Variants in ZCCHC2 observed in about 807,000 individuals in gnomAD.
ZCCHC2 encodes the protein zinc finger CCHC-type containing 2.
In ZCCHC2, 39 loss-of-function variants were observed where a neutral mutation model predicts 103.6. The observed-to-expected ratio is 0.38, with a 90% confidence interval of 0.29 to 0.49. The LOEUF (loss-of-function observed/expected upper bound fraction) is 0.49, where lower values mean the gene tolerates loss of function less well. Among genes scored for constraint, ZCCHC2 ranks in the 20% least tolerant of loss-of-function variants. The pLI is 0.96. For missense variants in ZCCHC2, 1,483 were observed against 1,491.0 expected (o/e 0.99, Z 0.09); for synonymous variants, 687 against 608.9 (o/e 1.13, Z -1.89).
At chr18:62,551,872 C>T (rs1915678889) in intron 5 of ZCCHC2, 1 of 152,240 alleles carries the variant, frequency 6.6e-6, no homozygotes, top group African/African-American at 2.4e-5. Context: ...GACAGCCTAT[C>T]ATCTGCCTTC....
At chr18:62,560,527 C>T (rs1916070172) in intron 7 of ZCCHC2, 60 bp from the exon 8 acceptor site, 2 of 1,372,776 alleles carry the variant, frequency 1.5e-6, no homozygotes, top group Admixed American at 1.7e-5. Flanking sequence ...CTAGTAGCAT[C>T]CTACTGTTGG....
chr18:62,542,929 C>G (rs1341116163), intron 3 of ZCCHC2, among the ~76,000 whole-genome samples: 1 of 152,156 alleles, frequency 6.6e-6, no homozygotes, highest in Non-Finnish European at 1.5e-5. Context: ...TCTTTGTTCT[C>G]TGTGACGCTT....
chr18:62,532,028 A>T (rs116046406), intron 1 of ZCCHC2, among the ~76,000 whole-genome samples: 1 of 152,228 alleles, frequency 6.6e-6, no homozygotes, highest in African/African-American at 2.4e-5. Flanking sequence ...TTGAAGAGAT[A>T]GTAGGGTTGG....
downstream of ZCCHC2, among the ~76,000 whole-genome samples, chr18:62,579,481 C>T (rs533730260): frequency 2.0e-5 from 3 of 152,256 alleles, no homozygotes; most frequent in Admixed American, 6.5e-5. Context: ...TGTCAGGAGC[C>T]ATCTAATGAC....
chr18:62,560,653 C>A lies in ZCCHC2; in HGVS notation c.1550+9C>A. ...AAAAGTCCCATTGTGAAGTAAGTAT[C>A]CTCTTTCTAAAACAAAAAGTGCTTT... On this transcript the variant is annotated intron_variant, in intron 8 of 13. Coordinates refer to ENST00000269499, the MANE Select transcript of ZCCHC2 (RefSeq NM_017742.6). The A allele has an allele frequency of 6.2e-7, 1 of 1,609,546 alleles. No individual in the cohort carries two copies. Among genetic ancestry groups the A allele is most frequent in the South Asian group, 1.1e-5 (1 of 90,664 alleles).
chr18:62,556,064 T>C, intron 5 of ZCCHC2, 139 bp from the exon 6 acceptor site: 1 of 636,878 alleles, frequency 1.6e-6, no homozygotes, highest in Non-Finnish European at 2.7e-6. Context: ...CATTAGAAAA[T>C]AATATTCTTT....
intron 5 of ZCCHC2, among the ~76,000 whole-genome samples, chr18:62,554,875 A>G (rs1409096152): frequency 6.6e-6 from 1 of 152,194 alleles, no homozygotes; most frequent in African/African-American, 2.4e-5. Context: ...ACATTAGAAG[A>G]CCAAGAAGCA....
intron 1 of ZCCHC2, among the ~76,000 whole-genome samples, chr18:62,536,730 A>G (rs1171820723): frequency 1.3e-5 from 2 of 152,242 alleles, no homozygotes; most frequent in African/African-American, 4.8e-5. Flanking sequence ...ATACATGCTG[A>G]GACTTGGAGG....
In ZCCHC2 at chr18:62,575,159, C is replaced by T; in HGVS notation, c.3078C>T (p.Asn1026=). 1 of 1,614,048 alleles carries T rather than the reference C, an allele frequency of 6.2e-7. No individual in the cohort carries two copies. The highest frequency in any genetic ancestry group is 8.5e-7 in the Non-Finnish European group (1 of 1,179,898). Residue 1026 remains asparagine, a synonymous_variant, in exon 13 of 14, where the codon AAC becomes AAT. Coordinates refer to ENST00000269499, the MANE Select transcript of ZCCHC2 (RefSeq NM_017742.6). ...GRRCSCGTNG[N]LQLNSYYYPN... ...GGTGCAGCTGTGGGACCAATGGAAA[C>T]CTTCAGCTAAATAGTTACTATTATC...
chr18:62,531,599 T>C (rs948965205), intron 1 of ZCCHC2, among the ~76,000 whole-genome samples: 1 of 152,054 alleles, frequency 6.6e-6, no homozygotes, highest in African/African-American at 2.4e-5. Flanking sequence ...GAAGGAGATA[T>C]ATGTATTATT....
chr18:62,542,568 T>G lies in ZCCHC2; in HGVS notation c.1122T>G (p.Thr374=). The change falls in exon 3 of 14, where the codon ACT becomes ACG. Residue 374 remains threonine (T), a synonymous_variant. Transcript: ENST00000269499. ...RKRADKYWEY[T]FKVNWSDLSV... ...GAGCTGACAAATACTGGGAGTACACTTTCAAAGTAAGCCATTTTCCCCACA... is the reference window on the plus strand; with the variant it reads ...GAGCTGACAAATACTGGGAGTACACGTTCAAAGTAAGCCATTTTCCCCACA... The G allele has an allele frequency of 6.4e-7, 1 of 1,560,180 alleles. No individual in the cohort carries two copies. Among genetic ancestry groups the G allele is most frequent in the South Asian group, 1.2e-5 (1 of 84,540 alleles).
Position 62,574,061 on chromosome 18 carries a change from A to G in ZCCHC2, c.1980A>G (p.Thr660=), listed in dbSNP as rs777153357. The G allele has an allele frequency of 1.2e-6, 2 of 1,611,662 alleles. No homozygotes were observed. Among genetic ancestry groups the G allele is most frequent in the African/African-American group, 1.3e-5 (1 of 74,792 alleles). ...FESEEEKDRD[T]DSNSEDSGNP... ...CTTTATGTTTGTTTTCTTTAGACAC[A>G]GACAGCAATTCTGAGGATTCTGGGA... Residue 660 remains threonine, a synonymous_variant, in exon 13 of 14, where the codon ACA becomes ACG. Transcript: ENST00000269499.
At chr18:62,525,910 G>C (rs1245504820) in intron 1 of ZCCHC2, 1 of 151,928 alleles carries the variant, frequency 6.6e-6, no homozygotes, top group East Asian at 1.9e-4. Context: ...ATGAATTCAG[G>C]AACAATGCTT....
At chr18:62,572,727 T>A (rs1274955211) in intron 12 of ZCCHC2, among the ~76,000 whole-genome samples, 1 of 152,196 alleles carries the variant, frequency 6.6e-6, no homozygotes, top group Non-Finnish European at 1.5e-5. Context: ...CTGGGAGCAT[T>A]AAAAATCATG....
At chr18:62,546,404 ATTTC>A (rs1393801917) in intron 4 of ZCCHC2, among the ~76,000 whole-genome samples, 1 of 152,212 alleles carries the variant, frequency 6.6e-6, no homozygotes. Context: ...CCTTCTAATT[ATTTC>A]TTTCTTTTCT....
chr18:62,523,898 G>A lies in ZCCHC2; in HGVS notation c.474G>A (p.Pro158=), dbSNP rs1036970736. 4.5e-5 allele frequency: 70 copies of A among 1,538,588 alleles called. No individual in the cohort carries two copies. The highest frequency in any genetic ancestry group is 5.9e-5 in the Admixed American group (3 of 50,550). ...SEAKANGLSD[P]GPLADFREPA... The stretch of plus-strand genomic sequence containing the variant: ...CCAAGGCCAACGGCCTCTCGGACCC[G>A]GGGCCGCTGGCCGACTTCCGAGAGC... The change falls in exon 1 of 14, where the codon CCG becomes CCA. Residue 158 remains proline, a synonymous_variant. Transcript: ENST00000269499.
At chr18:62,561,953 T>A (rs1020601886) in intron 8 of ZCCHC2, among the ~76,000 whole-genome samples, 1 of 152,304 alleles carries the variant, frequency 6.6e-6, no homozygotes, top group Admixed American at 6.5e-5. Context: ...AGACTCCAAA[T>A]CCTTGTATGT....
chr18:62,533,815 T>C (rs947470251), intron 1 of ZCCHC2, among the ~76,000 whole-genome samples: 1 of 141,566 alleles, frequency 7.1e-6, no homozygotes, highest in African/African-American at 2.7e-5. Context: ...GAGATTGCAG[T>C]GACCCGATAT....
At chr18:62,529,288 GTGT>G (rs1914582358) in intron 1 of ZCCHC2, among the ~76,000 whole-genome samples, 1 of 152,024 alleles carries the variant, frequency 6.6e-6, no homozygotes, top group Admixed American at 6.6e-5. Context: ...AAAGTGAATA[GTGT>G]TGTTGGGGCA....
Sources: allele counts gnomAD v4.1 joint callset (sites outside exome capture counted in the v4.1 genomes callset), GRCh38; gene constraint gnomAD v4.1.1; transcripts MANE v1.5; gene names NCBI Gene and HGNC (gene_info 2026-07-23, HGNC 2026-07-21).